PTPRD: variants seen among roughly 807,000 people sequenced by gnomAD.
PTPRD encodes the protein protein tyrosine phosphatase receptor type D.
Under a neutral mutation model 214.5 loss-of-function variants are expected in PTPRD, and 34 were observed. The observed-to-expected ratio is 0.16, with a 90% CI of 0.12 to 0.21. PTPRD has a LOEUF of 0.21. PTPRD is among the 10% of genes least tolerant of loss of function. The pLI, the probability that PTPRD is intolerant of heterozygous loss-of-function variation, is 1.00. For synonymous variants in PTPRD, 1,128 were observed against 845.7 expected (o/e 1.33, Z -5.79); for missense variants, 2,545 against 2,398.7 (o/e 1.06, Z -1.27).
At chr9:8,648,396 C>T (rs938535924) in intron 12 of PTPRD, among the ~76,000 whole-genome samples, 1 of 152,160 alleles carries the variant, frequency 6.6e-6, no homozygotes, top group African/African-American at 2.4e-5. Flanking sequence ...AAAATAACCA[C>T]TGGTTTAGTG....
At chr9:8,499,544 G>T in intron 25 of PTPRD, 103 bp downstream of exon 25, 1 of 1,212,186 alleles carries the variant, frequency 8.2e-7, no homozygotes, top group Admixed American at 2.5e-5. Flanking sequence ...ATTTTGTATA[G>T]GATTTTTTAA....
intron 8 of PTPRD, among the ~76,000 whole-genome samples, chr9:9,521,042 T>A (rs1333321786): frequency 6.6e-6 from 1 of 152,230 alleles, no homozygotes; most frequent in African/African-American, 2.4e-5. Flanking sequence ...ATTTAAAGAA[T>A]CTTTAATTAA....
chr9:8,983,873 CT>C (rs2154342151), intron 11 of PTPRD, among the ~76,000 whole-genome samples: 1 of 152,004 alleles, frequency 6.6e-6, no homozygotes, highest in East Asian at 1.9e-4. Flanking sequence ...ATTATCATTG[CT>C]TTTTTACATG....
intron 11 of PTPRD, among the ~76,000 whole-genome samples, chr9:8,737,140 G>C (rs1210801896): frequency 6.6e-6 from 1 of 152,180 alleles, no homozygotes; most frequent in African/African-American, 2.4e-5. Flanking sequence ...AAGTGCATAA[G>C]AAGACCAAAT....
chr9:8,771,325 A>G (rs7020654), intron 11 of PTPRD, among the ~76,000 whole-genome samples: 7,197 of 152,220 alleles, frequency 0.047, 432 homozygotes, highest in African/African-American at 0.14. Context: ...GCATGTATGC[A>G]AGTCCGTGTA....
chr9:8,912,458 C>A (rs568266689), intron 11 of PTPRD, among the ~76,000 whole-genome samples: 4 of 152,126 alleles, frequency 2.6e-5, no homozygotes, highest in Admixed American at 2.6e-4. Flanking sequence ...AAAGGACAAA[C>A]CTACGGAGAC....
chr9:8,416,171 A>C (rs371628734), intron 35 of PTPRD, among the ~76,000 whole-genome samples: 52 of 152,302 alleles, frequency 3.4e-4, no homozygotes, highest in African/African-American at 1.1e-3. Context: ...TTATATGAAA[A>C]AGTGTGAAGC....
chr9:10,524,356 C>T (rs1432586964), intron 2 of PTPRD, among the ~76,000 whole-genome samples: 3 of 152,052 alleles, frequency 2.0e-5, no homozygotes. Context: ...ACATAGTTTA[C>T]TGTACGATAA....
At chr9:10,084,211 G>A (rs1392316714) in intron 3 of PTPRD, among the ~76,000 whole-genome samples, 1 of 151,878 alleles carries the variant, frequency 6.6e-6, no homozygotes, top group Non-Finnish European at 1.5e-5. Flanking sequence ...GATTATATGA[G>A]CTATAATATT....
rs878992779 is a variant in PTPRD, at chr9:8,499,555, A to G, written c.2322+92T>C. 5.7e-5 allele frequency: 76 copies of G among 1,331,374 alleles called. No individual in the cohort carries two copies. In the South Asian group the frequency reaches 9.7e-4, roughly 17 times the overall value. 82.5% of individuals were successfully genotyped at this position (1,331,374 alleles called of 1,614,324 possible). ...TAGAATTTTGTATAGGATTTTTTAA[A>G]TGTCGAAAAACTAAAATAAGAGCAA... On this transcript the variant is annotated intron_variant, in intron 25 of 45. Transcript: ENST00000381196.
chr9:8,759,517 C>A (rs2094263099), intron 11 of PTPRD, among the ~76,000 whole-genome samples: 1 of 152,040 alleles, frequency 6.6e-6, no homozygotes, highest in Non-Finnish European at 1.5e-5. Flanking sequence ...ACTGACTTTA[C>A]ATAATAATTT....
rs10125843 is a variant in PTPRD at position 9,071,895 on chromosome 9, C to T, written c.-142-53160G>A. On this transcript the variant is annotated intron_variant, in intron 10 of 45. Transcript: ENST00000381196. ...GTAAGTGGAGTATTTCCCCGTCATA[C>T]TTGAGAGTAAAATATGCTTTTAACC... is the stretch of plus-strand genomic sequence containing the variant. Among the ~76,000 whole-genome samples, 1,102 of 152,256 alleles carry T rather than the reference C, an allele frequency of 7.2e-3. 22 individuals are homozygous for T. Among genetic ancestry groups the T allele is most frequent in the African/African-American group, 0.025 (1,046 of 41,536 alleles).
chr9:9,583,408 A>G (rs1303785413), intron 7 of PTPRD, among the ~76,000 whole-genome samples: 2 of 152,072 alleles, frequency 1.3e-5, no homozygotes, highest in Admixed American at 6.6e-5. Flanking sequence ...GAAAAGATTG[A>G]CAACAATAAC....
At chr9:8,850,610 A>G (rs2097790929) in intron 11 of PTPRD, among the ~76,000 whole-genome samples, 1 of 152,144 alleles carries the variant, frequency 6.6e-6, no homozygotes, top group African/African-American at 2.4e-5. Context: ...AATATTTAAG[A>G]TACATCCAAC....
At chr9:8,905,085 T>G (rs1299796532) in intron 11 of PTPRD, among the ~76,000 whole-genome samples, 2 of 152,138 alleles carry the variant, frequency 1.3e-5, no homozygotes, top group East Asian at 3.9e-4. Flanking sequence ...AAAGAGAACA[T>G]TGTCTACCTT....
At chr9:9,491,935 T>C (rs2095920181) in intron 8 of PTPRD, among the ~76,000 whole-genome samples, 2 of 151,782 alleles carry the variant, frequency 1.3e-5, no homozygotes, top group African/African-American at 2.4e-5. Flanking sequence ...AACAGTAGAG[T>C]AAATCAATGA....
At chr9:10,444,400 C>T (rs930622682) in intron 2 of PTPRD, among the ~76,000 whole-genome samples, 1 of 151,748 alleles carries the variant, frequency 6.6e-6, no homozygotes, top group East Asian at 1.9e-4. Flanking sequence ...CCTTTACAGA[C>T]ATAAATACTA....
intron 11 of PTPRD, among the ~76,000 whole-genome samples, chr9:8,884,503 C>G (rs10977333): frequency 0.17 from 25,365 of 152,144 alleles, 2,709 homozygotes; most frequent in Non-Finnish European, 0.23. Context: ...AGTGATGAGA[C>G]TAGACATGGC....
chr9:8,887,942 C>A (rs1199916043), intron 11 of PTPRD, among the ~76,000 whole-genome samples: 1 of 152,060 alleles, frequency 6.6e-6, no homozygotes, highest in Non-Finnish European at 1.5e-5. Flanking sequence ...TCTTGGAAAA[C>A]CACAGCTTCC....
Sources: gnomAD v4.1 joint callset for allele counts (sites outside exome capture counted in the v4.1 genomes callset) on GRCh38, gnomAD v4.1.1 for gene constraint, MANE v1.5 for transcripts, NCBI Gene and HGNC (gene_info 2026-07-23, HGNC 2026-07-21) for gene names.